Variants in FBXL7 observed in about 807,000 individuals in gnomAD.
FBXL7 encodes the protein F-box and leucine rich repeat protein 7, also known as F-box/LRR-repeat protein 7.
A neutral mutation model predicts 38.3 loss-of-function variants in FBXL7; 12 were observed. The observed-to-expected ratio is 0.31, with a 90% CI of 0.20 to 0.51. The LOEUF (loss-of-function observed/expected upper bound fraction) is 0.51, where lower values mean the gene tolerates loss of function less well. FBXL7 is among the 20% of genes least tolerant of loss of function. The probability of loss-of-function intolerance (pLI) is 0.98; values close to 1 mark genes in which losing one functional copy is unlikely to be tolerated. For missense variants in FBXL7, 567 were observed against 676.4 expected (o/e 0.84, Z 1.79); for synonymous variants, 297 against 300.9 (o/e 0.99, Z 0.13).
intron 2 of FBXL7, among the ~76,000 whole-genome samples, chr5:15,857,196 G>T (rs866224995): frequency 6.6e-6 from 1 of 152,158 alleles, no homozygotes; most frequent in Admixed American, 6.6e-5. Flanking sequence ...AGGGGTAGGG[G>T]TTTGCTCATC....
intron 2 of FBXL7, among the ~76,000 whole-genome samples, chr5:15,634,613 G>A (rs140325142): frequency 1.3e-5 from 2 of 151,986 alleles, no homozygotes; most frequent in South Asian, 2.1e-4. Flanking sequence ...GAGCCACTGC[G>A]CCTGGCTTTA....
chr5:15,845,055 A>G, intron 2 of FBXL7, among the ~76,000 whole-genome samples: 1 of 152,202 alleles, frequency 6.6e-6, no homozygotes, highest in East Asian at 1.9e-4. Context: ...GTGCTTCCAG[A>G]CATGAAGCCA....
intron 2 of FBXL7, among the ~76,000 whole-genome samples, chr5:15,826,244 G>A (rs1445820779): frequency 2.6e-5 from 4 of 152,130 alleles, no homozygotes; most frequent in African/African-American, 9.7e-5. Context: ...ACTAGAGAGA[G>A]TTCACATTTG....
At chr5:15,525,750 GAA>G (rs1737234751) in intron 1 of FBXL7, among the ~76,000 whole-genome samples, 1 of 152,102 alleles carries the variant, frequency 6.6e-6, no homozygotes, top group South Asian at 2.1e-4. Flanking sequence ...AATGTGATAA[GAA>G]GAGACTTTTG....
intron 1 of FBXL7, among the ~76,000 whole-genome samples, chr5:15,543,424 A>G (rs1561021902): frequency 6.6e-6 from 1 of 152,190 alleles, no homozygotes; most frequent in Non-Finnish European, 1.5e-5. Flanking sequence ...GATTATTACA[A>G]TTCAAGGTGA....
In FBXL7 at chr5:15,500,671, T is replaced by C. The variant is rs372549966; in HGVS notation, c.-6T>C. 3.7e-5 allele frequency: 59 copies of C among 1,613,034 alleles called. No homozygotes were observed. The African/African-American group carries it at 4.4e-4, about 12-fold the overall frequency. On this transcript the variant is annotated 5_prime_UTR_variant, in exon 1 of 4. Coordinates refer to ENST00000504595, the MANE Select transcript of FBXL7 (RefSeq NM_012304.5). ...CCCGGGAGACGGCGGGCATGACGGC[T>C]ACAGGATGGGCGCGAACAATGGCAA...
chr5:15,635,092 T>C (rs1224582303), intron 2 of FBXL7, among the ~76,000 whole-genome samples: 2 of 152,144 alleles, frequency 1.3e-5, no homozygotes, highest in African/African-American at 4.8e-5. Context: ...TAGCAGCCAT[T>C]GGATTATATA....
intron 2 of FBXL7, among the ~76,000 whole-genome samples, chr5:15,620,235 T>C (rs1034849692): frequency 5.3e-5 from 8 of 149,644 alleles, no homozygotes; most frequent in Non-Finnish European, 1.0e-4. Flanking sequence ...TTTTTCTTTT[T>C]TTTTTTTTTT....
At chr5:15,524,745 C>T (rs1737202913) in intron 1 of FBXL7, among the ~76,000 whole-genome samples, 1 of 152,186 alleles carries the variant, frequency 6.6e-6, no homozygotes. Context: ...TCCATTTTAT[C>T]CATTTATCAT....
At chr5:15,558,619 A>T (rs891984615) in intron 1 of FBXL7, among the ~76,000 whole-genome samples, 1 of 152,246 alleles carries the variant, frequency 6.6e-6, no homozygotes, top group Non-Finnish European at 1.5e-5. Flanking sequence ...TTCCTAAATA[A>T]ACTGGAGCTG....
At chr5:15,787,821 A>G (rs1012484917) in intron 2 of FBXL7, among the ~76,000 whole-genome samples, 4 of 152,152 alleles carry the variant, frequency 2.6e-5, no homozygotes, top group East Asian at 1.9e-4. Flanking sequence ...GGTCGTTTCT[A>G]TTTATGTGAC....
chr5:15,871,821 T>C (rs916145824), intron 2 of FBXL7, among the ~76,000 whole-genome samples: 2 of 152,198 alleles, frequency 1.3e-5, no homozygotes, highest in African/African-American at 4.8e-5. Context: ...TTGATGTACC[T>C]GAAAGTGATG....
intron 2 of FBXL7, among the ~76,000 whole-genome samples, 172 bp downstream of exon 2, chr5:15,616,244 G>A (rs1740449394): frequency 6.6e-6 from 1 of 152,136 alleles, no homozygotes; most frequent in Non-Finnish European, 1.5e-5. Context: ...TTGTTGCGCT[G>A]CAGTTACAGT....
chr5:15,732,745 A>G (rs1355960325), intron 2 of FBXL7, among the ~76,000 whole-genome samples: 2 of 152,208 alleles, frequency 1.3e-5, no homozygotes, highest in African/African-American at 2.4e-5. Flanking sequence ...ATTTATTTTC[A>G]TGGGCAATTT....
At chr5:15,878,369 T>C (rs1381525854) in intron 2 of FBXL7, among the ~76,000 whole-genome samples, 7 of 152,182 alleles carry the variant, frequency 4.6e-5, no homozygotes, top group Non-Finnish European at 1.0e-4. Flanking sequence ...AATGCCTTTC[T>C]GAGCTGTTAA....
chr5:15,695,985 A>G (rs1455937795), intron 2 of FBXL7, among the ~76,000 whole-genome samples: 1 of 152,214 alleles, frequency 6.6e-6, no homozygotes, highest in East Asian at 1.9e-4. Context: ...AGAATTTTCA[A>G]AAAATTCGTA....
chr5:15,923,389 A>G (rs1433253667), intron 2 of FBXL7, among the ~76,000 whole-genome samples: 1 of 152,230 alleles, frequency 6.6e-6, no homozygotes, highest in Non-Finnish European at 1.5e-5. Flanking sequence ...ATAGAGACAT[A>G]TTCTGGTACT....
At chr5:15,878,765 A>G (rs1295225760) in intron 2 of FBXL7, among the ~76,000 whole-genome samples, 1 of 152,182 alleles carries the variant, frequency 6.6e-6, no homozygotes, top group African/African-American at 2.4e-5. Flanking sequence ...TCCATACACT[A>G]CATTTTGGAG....
At chr5:15,517,066 G>T (rs568323016) in intron 1 of FBXL7, among the ~76,000 whole-genome samples, 3 of 151,102 alleles carry the variant, frequency 2.0e-5, no homozygotes, top group Admixed American at 1.3e-4. Context: ...TCGCTCTGTC[G>T]CCCAGGCTGG....
Sources: gnomAD v4.1 joint callset for allele counts (sites outside exome capture counted in the v4.1 genomes callset) on GRCh38, gnomAD v4.1.1 for gene constraint, MANE v1.5 for transcripts, NCBI Gene and HGNC (gene_info 2026-07-23, HGNC 2026-07-21) for gene names.